Variants in CLTC observed in about 807,000 individuals in gnomAD.
CLTC encodes the protein clathrin heavy chain 1.
A neutral mutation model predicts 195.8 loss-of-function variants in CLTC; 16 were observed. The observed-to-expected ratio is 0.08, with a 90% CI of 0.06 to 0.12. The LOEUF is 0.12. Ranked by LOEUF, CLTC falls within the 10% of genes least tolerant of loss-of-function variation. The pLI is 1.00. For synonymous variants in CLTC, 667 were observed against 689.4 expected (o/e 0.97, Z 0.51); for missense variants, 796 against 2,027.0 (o/e 0.39, Z 11.66).
intron 28 of CLTC, 131 bp downstream of exon 28, chr17:59,684,116 A>G (rs761179672): frequency 1.6e-6 from 1 of 615,022 alleles, no homozygotes; most frequent in Non-Finnish European, 2.9e-6. Flanking sequence ...AAATTTAGTA[A>G]GATTTCAGGA....
In CLTC at chr17:59,648,987, C is replaced by CTT. The variant is rs1337836096; in HGVS notation, c.681+587_681+588dup. ...TCTGCATTTTAAATACCTTATATGG[C>CTT]TTGATATAGAGGCAATGTAGACTAC... On this transcript the variant is annotated intron_variant, in intron 4 of 31. Coordinates refer to ENST00000269122, the MANE Select transcript of CLTC (RefSeq NM_004859.4). The surrounding 1 kb of genome is among the most constrained non-coding windows in gnomAD (Gnocchi z 4.5). 6.6e-6 allele frequency among the ~76,000 whole-genome samples: 1 copy of CTT among 152,154 alleles called. No homozygotes were observed. Among genetic ancestry groups the CTT allele is most frequent in the Non-Finnish European group, 1.5e-5 (1 of 68,024 alleles).
rs527874015 is a variant in CLTC at position 59,648,650 on chromosome 17, C to T, written c.681+249C>T. On this transcript the variant is annotated intron_variant, in intron 4 of 31. Coordinates refer to ENST00000269122, the MANE Select transcript of CLTC (RefSeq NM_004859.4). The surrounding 1 kb of genome is among the most constrained non-coding windows in gnomAD (Gnocchi z 4.5). ...CTAAAGTGCACATTTATATGCTGTACATCTAGAGAGTTTGATTTAGTAGGT... is the reference window on the plus strand; with the variant it reads ...CTAAAGTGCACATTTATATGCTGTATATCTAGAGAGTTTGATTTAGTAGGT... The T allele has an allele frequency of 2.7e-6, 1 of 365,930 alleles. No individual in the cohort carries two copies. Among genetic ancestry groups the T allele is most frequent in the East Asian group, 4.6e-5 (1 of 21,752 alleles). The allele number at this position is 365,930 out of a possible 1,614,324, so 22.7% of individuals were successfully genotyped here. A position where few individuals can be genotyped will look rare whatever the true frequency, so the allele number is the denominator to read the frequency against.
chr17:59,680,154 A>C (rs1436879875), intron 18 of CLTC, among the ~76,000 whole-genome samples: 3 of 152,200 alleles, frequency 2.0e-5, no homozygotes, highest in African/African-American at 4.8e-5. Flanking sequence ...AACAAACTAA[A>C]CATTAAAGAT....
chr17:59,633,656 A>G (rs775100957), intron 1 of CLTC, among the ~76,000 whole-genome samples: 4 of 63,450 alleles, frequency 6.3e-5, no homozygotes, highest in Non-Finnish European at 1.5e-4. Context: ...GTCCCTCAGT[A>G]TAGGGTAGAA....
intron 31 of CLTC, among the ~76,000 whole-genome samples, chr17:59,691,632 A>AAT (rs1267690064): frequency 0.034 from 4,952 of 145,400 alleles, 156 homozygotes; most frequent in Admixed American, 0.059. Context: ...TTAAAAAAAA[A>AAT]ATATATATAT....
At chr17:59,674,062 C>T (rs79890148) in intron 15 of CLTC, among the ~76,000 whole-genome samples, 2 of 152,132 alleles carry the variant, frequency 1.3e-5, no homozygotes, top group East Asian at 3.9e-4. Context: ...CATGCCCAGC[C>T]TGCTTTTAAT....
intron 1 of CLTC, among the ~76,000 whole-genome samples, chr17:59,632,230 C>T (rs1018228290): frequency 2.6e-5 from 4 of 151,388 alleles, no homozygotes; most frequent in Admixed American, 6.6e-5. Flanking sequence ...TAGCTGGGCG[C>T]GGTGGCGGGT....
Position 59,695,848 on chromosome 17 carries a change from T to A in CLTC, c.*1996T>A, listed in dbSNP as rs2033409633. 5.3e-6 allele frequency: 1 copy of A among 190,294 alleles called. No homozygotes were observed. The highest frequency in any genetic ancestry group is 8.4e-5 in the East Asian group (1 of 11,968). 11.8% of individuals were successfully genotyped at this position (190,294 alleles called of 1,614,324 possible). A position where few individuals can be genotyped will look rare whatever the true frequency, so the allele number is the denominator to read the frequency against. On this transcript the variant is annotated 3_prime_UTR_variant, in exon 32 of 32. Coordinates refer to ENST00000269122, the MANE Select transcript of CLTC (RefSeq NM_004859.4). ...ATCAACACAGAGAAAAAAAAAATAA[T>A]AATAGTATTATGAAAACATTGACTC...
In CLTC at chr17:59,666,257, T is replaced by G. The variant is rs1035285508; in HGVS notation, c.1782+17T>G. On this transcript the variant is annotated intron_variant, in intron 11 of 31. Coordinates refer to ENST00000269122, the MANE Select transcript of CLTC (RefSeq NM_004859.4). The surrounding 1 kb of genome is among the most constrained non-coding windows in gnomAD (Gnocchi z 4.9). ...GCGCCTCAAGTATGTGTTTTAATGC[T>G]TTTTAGGCATGTTTCCAACATTGTT... 2 of 1,608,756 alleles carry G rather than the reference T, an allele frequency of 1.2e-6. No homozygotes were observed. The highest frequency in any genetic ancestry group is 1.7e-6 in the Non-Finnish European group (2 of 1,175,784).
intron 6 of CLTC, among the ~76,000 whole-genome samples, chr17:59,657,184 A>G (rs1185457960): frequency 1.3e-5 from 2 of 152,116 alleles, no homozygotes; most frequent in African/African-American, 2.4e-5. Context: ...TGAAGAGACA[A>G]TTCCTCTAGG....
Position 59,683,311 on chromosome 17 carries a change from TG to T in CLTC, c.4041+50del, listed in dbSNP as rs757464666. The T allele has an allele frequency of 6.2e-7, 1 of 1,603,512 alleles. No individual in the cohort carries two copies. Among genetic ancestry groups the T allele is most frequent in the Non-Finnish European group, 8.5e-7 (1 of 1,174,360 alleles). The stretch of plus-strand genomic sequence containing the variant: ...GAAGCAACTGTGTAGTTAAAACTAA[TG>T]CTTCAAAATATCTTATTCTTTTTAA... On this transcript the variant is annotated intron_variant, in intron 25 of 31. Coordinates refer to ENST00000269122, the MANE Select transcript of CLTC (RefSeq NM_004859.4). The surrounding 1 kb of genome is among the most constrained non-coding windows in gnomAD (Gnocchi z 6.1).
chr17:59,622,791 G>A (rs1284961189), intron 1 of CLTC, among the ~76,000 whole-genome samples: 1 of 152,194 alleles, frequency 6.6e-6, no homozygotes, highest in Non-Finnish European at 1.5e-5. Context: ...AAGAAATGGG[G>A]AACTTAAGTG....
chr17:59,693,880 A>G lies in CLTC; in HGVS notation c.*28A>G, dbSNP rs778657881. The G allele has an allele frequency of 1.3e-6, 2 of 1,579,034 alleles. No individual in the cohort carries two copies. Among genetic ancestry groups the G allele is most frequent in the South Asian group, 1.1e-5 (1 of 87,046 alleles). On this transcript the variant is annotated 3_prime_UTR_variant, in exon 32 of 32. Transcript: ENST00000269122. ...TGAAGCGCTGATCCTGTAGTCACCT[A>G]TTTTCGTACTGAAACATCGTCTTTA...
intron 2 of CLTC, among the ~76,000 whole-genome samples, chr17:59,645,336 G>A (rs1466343326): frequency 3.3e-5 from 5 of 152,130 alleles, no homozygotes; most frequent in Admixed American, 3.3e-4. Context: ...TGAGTGAAGG[G>A]TATTTGAGTT....
Position 59,650,515 on chromosome 17 carries a change from T to TCAAGA in CLTC, c.682-687_682-686insAAGAC, listed in dbSNP as rs2032303245. Among the ~76,000 whole-genome samples, 4 of 139,444 alleles carry TCAAGA rather than the reference T, an allele frequency of 2.9e-5. No individual in the cohort carries two copies. In the South Asian group the frequency reaches 9.3e-4, roughly 32 times the overall value. 91.5% of individuals were successfully genotyped at this position (139,444 alleles called of 152,430 possible). A position where few individuals can be genotyped will look rare whatever the true frequency, so the allele number is the denominator to read the frequency against. On this transcript the variant is annotated intron_variant, in intron 4 of 31. Coordinates refer to ENST00000269122, the MANE Select transcript of CLTC (RefSeq NM_004859.4). ...TTTTTTTTTTTTTTTTGAGATGGAGTCTTGCTCTGTTGCCCAGGCTGGAAT... is the reference window on the plus strand; with the variant it reads ...TTTTTTTTTTTTTTTTGAGATGGAGTCAAGACTTGCTCTGTTGCCCAGGCTGGAAT...
At chr17:59,645,925 A>C (rs2032182350) in intron 2 of CLTC, 1 of 282,080 alleles carries the variant, frequency 3.5e-6, no homozygotes, top group Admixed American at 6.5e-5. Context: ...TCTCTATTAA[A>C]AGGCCATCAT....
chr17:59,691,079 A>G (rs1244783286), intron 31 of CLTC, among the ~76,000 whole-genome samples: 1 of 152,234 alleles, frequency 6.6e-6, no homozygotes, highest in African/African-American at 2.4e-5. Context: ...TATGCTTTAC[A>G]TAAAGAATAC....
intron 8 of CLTC, 46 bp from the exon 9 acceptor site, chr17:59,663,796 A>T: frequency 6.4e-7 from 1 of 1,565,486 alleles, no homozygotes; most frequent in African/African-American, 1.4e-5. Context: ...GCTCATTTCT[A>T]AAACAGTTCA....
intron 1 of CLTC, among the ~76,000 whole-genome samples, chr17:59,634,095 G>C (rs2031798439): frequency 6.6e-6 from 1 of 152,020 alleles, no homozygotes. Context: ...TTTTTGTAGG[G>C]ACAGGGTCTC....
Sources: allele counts gnomAD v4.1 joint callset (sites outside exome capture counted in the v4.1 genomes callset), GRCh38; gene constraint gnomAD v4.1.1; non-coding constraint Gnocchi (gnomAD v3.1); transcripts MANE v1.5; gene names NCBI Gene and HGNC (gene_info 2026-07-23, HGNC 2026-07-21).